DIS3L2: variants seen among roughly 807,000 people sequenced by gnomAD.
DIS3L2 encodes DIS3-like exonuclease 2.
DIS3L2 carries 34 observed loss-of-function variants against 97.5 expected under a neutral mutation model. That is an observed-to-expected ratio of 0.35 (90% confidence interval 0.27 to 0.46). DIS3L2 has a LOEUF of 0.46. Among genes scored for constraint, DIS3L2 ranks in the 20% least tolerant of loss-of-function variants. The pLI is 1.00. For missense variants in DIS3L2, 1,038 were observed against 1,146.0 expected (o/e 0.91, Z 1.36); for synonymous variants, 435 against 445.2 (o/e 0.98, Z 0.29).
At chr2:232,251,463 A>T (rs1018430140) in intron 12 of DIS3L2, among the ~76,000 whole-genome samples, 2 of 152,246 alleles carry the variant, frequency 1.3e-5, no homozygotes, top group Non-Finnish European at 1.5e-5. Flanking sequence ...AAAAATTAGA[A>T]GACTAGTCCA....
chr2:232,337,857 G>A (rs915422332), downstream of DIS3L2, among the ~76,000 whole-genome samples: 2 of 151,614 alleles, frequency 1.3e-5, no homozygotes, highest in Non-Finnish European at 2.9e-5. Flanking sequence ...GACGGGGCTG[G>A]CTATGGGAGG....
At chr2:232,070,874 G>A (rs780077301) in intron 5 of DIS3L2, among the ~76,000 whole-genome samples, 8 of 152,116 alleles carry the variant, frequency 5.3e-5, no homozygotes, top group Non-Finnish European at 7.4e-5. Context: ...GAGCCACTGC[G>A]CCCAGCCAGG....
At chr2:232,012,860 T>C (rs1694246789) in intron 1 of DIS3L2, among the ~76,000 whole-genome samples, 2 of 152,176 alleles carry the variant, frequency 1.3e-5, no homozygotes, top group South Asian at 4.1e-4. Flanking sequence ...CTGCGTACCC[T>C]TTCTTGGCAA....
intron 5 of DIS3L2, among the ~76,000 whole-genome samples, chr2:232,049,149 C>A (rs866243560): frequency 6.6e-6 from 1 of 152,162 alleles, no homozygotes; most frequent in South Asian, 2.1e-4. Context: ...TTTTAAATAA[C>A]TTCCCTATGT....
intron 5 of DIS3L2, 127 bp from the exon 6 acceptor site, chr2:232,087,360 A>C (rs1553606088): frequency 1.5e-6 from 1 of 674,566 alleles, no homozygotes; most frequent in Non-Finnish European, 2.5e-6. Context: ...TCCTTTTTTG[A>C]ACTACATGAT....
intron 1 of DIS3L2, among the ~76,000 whole-genome samples, chr2:231,983,941 TTTATTATA>T (rs1693334999): frequency 6.6e-6 from 1 of 151,834 alleles, no homozygotes; most frequent in East Asian, 1.9e-4. Context: ...AACAAAGTTC[TTTATTATA>T]ACAGAGTTTT....
At chr2:232,256,483 C>T (rs1440466470) in intron 12 of DIS3L2, among the ~76,000 whole-genome samples, 1 of 152,250 alleles carries the variant, frequency 6.6e-6, no homozygotes, top group African/African-American at 2.4e-5. Context: ...CATTGTAGAA[C>T]TATGTTGTGT....
At chr2:232,121,984 G>A (rs1433995715) in intron 6 of DIS3L2, among the ~76,000 whole-genome samples, 2 of 152,286 alleles carry the variant, frequency 1.3e-5, no homozygotes, top group Admixed American at 6.5e-5. Flanking sequence ...CCTGCCTCCA[G>A]TCTCACTTTT....
intron 9 of DIS3L2, among the ~76,000 whole-genome samples, chr2:232,184,246 A>G (rs913648101): frequency 2.6e-5 from 4 of 152,234 alleles, no homozygotes; most frequent in African/African-American, 4.8e-5. Flanking sequence ...GTGACTCTCA[A>G]GTCTTTTCAC....
intron 8 of DIS3L2, among the ~76,000 whole-genome samples, chr2:232,158,923 A>G (rs1487933693): frequency 1.3e-5 from 2 of 152,142 alleles, no homozygotes; most frequent in Non-Finnish European, 2.9e-5. Context: ...ACATTGTTAT[A>G]AGTATTCGTC....
intron 13 of DIS3L2, among the ~76,000 whole-genome samples, chr2:232,274,326 G>A (rs1694084222): frequency 6.6e-6 from 1 of 152,238 alleles, no homozygotes; most frequent in Admixed American, 6.5e-5. Flanking sequence ...TCCTCTTTCT[G>A]TTCACGGGAC....
At chr2:231,981,751 T>C (rs1693271436) in intron 1 of DIS3L2, among the ~76,000 whole-genome samples, 1 of 150,540 alleles carries the variant, frequency 6.6e-6, no homozygotes, top group Admixed American at 6.6e-5. Context: ...TACTAATTGG[T>C]GGCCAGGCGT....
At chr2:232,126,530 A>G (rs921171070) in intron 6 of DIS3L2, among the ~76,000 whole-genome samples, 3 of 152,180 alleles carry the variant, frequency 2.0e-5, no homozygotes, top group Admixed American at 2.0e-4. Flanking sequence ...TCCACATTCC[A>G]GCCCGCAGGA....
intron 10 of DIS3L2, among the ~76,000 whole-genome samples, chr2:232,237,416 C>T (rs993770882): frequency 1.3e-5 from 2 of 152,162 alleles, no homozygotes; most frequent in African/African-American, 4.8e-5. Flanking sequence ...AAAAGACAGA[C>T]CGACTGTTGA....
At chr2:232,064,186 T>C (rs1275218839) in intron 5 of DIS3L2, among the ~76,000 whole-genome samples, 3 of 152,178 alleles carry the variant, frequency 2.0e-5, no homozygotes, top group South Asian at 2.1e-4. Context: ...AGAAAAGCAT[T>C]CTTTACTCCC....
rs527704215 is a variant in DIS3L2 at position 232,172,937 on chromosome 2, CAGAT to C, written c.1124+9308_1124+9311del. On this transcript the variant is annotated intron_variant, in intron 9 of 20. Transcript: ENST00000325385. ...TATTTTCTTTGAAGAAAAATCTACT[CAGAT>C]AGTATCTATTCAGATCCTTTGCCAT... 2.2e-3 allele frequency among the ~76,000 whole-genome samples: 328 copies of C among 152,266 alleles called. 2 individuals carry two copies. Among genetic ancestry groups the C allele is most frequent in the African/African-American group, 7.3e-3 (305 of 41,542 alleles).
chr2:232,100,356 G>T (rs1216331922), intron 6 of DIS3L2, among the ~76,000 whole-genome samples: 2 of 151,612 alleles, frequency 1.3e-5, no homozygotes, highest in African/African-American at 4.8e-5. Context: ...CTCTATTGTT[G>T]ATGTTTTGTG....
chr2:232,195,691 G>C (rs375884053), intron 9 of DIS3L2, among the ~76,000 whole-genome samples: 1 of 151,724 alleles, frequency 6.6e-6, no homozygotes, highest in Non-Finnish European at 1.5e-5. Context: ...GGCTCAAGCT[G>C]TTCTCCTGCA....
chr2:232,334,244 TG>T, intron 17 of DIS3L2, 124 bp from the exon 18 acceptor site: 1 of 1,318,908 alleles, frequency 7.6e-7, no homozygotes, highest in Non-Finnish European at 1.0e-6. Flanking sequence ...TCTGCTGCCC[TG>T]GGAGCTGGGT....
Sources: gnomAD v4.1 joint callset for allele counts (sites outside exome capture counted in the v4.1 genomes callset) on GRCh38, gnomAD v4.1.1 for gene constraint, MANE v1.5 for transcripts, NCBI Gene and HGNC (gene_info 2026-07-23, HGNC 2026-07-21) for gene names.